SNTG1: variants seen among roughly 807,000 people sequenced by gnomAD.
SNTG1 encodes the protein syntrophin gamma 1.
Under a neutral mutation model 74.7 loss-of-function variants are expected in SNTG1, and 39 were observed. The ratio of observed to expected loss-of-function variants is 0.52; its 90% CI spans 0.40 to 0.68. The LOEUF (loss-of-function observed/expected upper bound fraction) is 0.68, where lower values mean the gene tolerates loss of function less well. Among genes scored for constraint, SNTG1 ranks in the 30% least tolerant of loss-of-function variants. The probability of loss-of-function intolerance (pLI) is 0.00; values close to 1 mark genes in which losing one functional copy is unlikely to be tolerated. For synonymous variants in SNTG1, 254 were observed against 217.1 expected, an observed-to-expected ratio of 1.17 and a Z score of -1.49; for missense variants, 685 against 609.5, an observed-to-expected ratio of 1.12 and a Z score of -1.30.
intron 2 of SNTG1, among the ~76,000 whole-genome samples, chr8:50,335,768 T>C (rs2091118867): frequency 6.6e-6 from 1 of 152,192 alleles, no homozygotes; most frequent in Non-Finnish European, 1.5e-5. Flanking sequence ...TTCTGACCTC[T>C]AATGCCAGCT....
intron 1 of SNTG1, among the ~76,000 whole-genome samples, chr8:50,135,875 G>A (rs564976189): frequency 6.6e-6 from 1 of 152,234 alleles, no homozygotes; most frequent in Admixed American, 6.5e-5. Flanking sequence ...GTAGCTGATA[G>A]ATAGTTTTTT....
intron 1 of SNTG1, among the ~76,000 whole-genome samples, chr8:50,084,412 G>A (rs1025809713): frequency 2.0e-5 from 3 of 151,940 alleles, no homozygotes; most frequent in African/African-American, 7.3e-5. Flanking sequence ...GTGAGCCTAG[G>A]TCACACCACT....
Position 50,676,272 on chromosome 8 carries a change from T to C in SNTG1, c.1038+17609T>C, listed in dbSNP as rs940946692. 2.0e-5 allele frequency among the ~76,000 whole-genome samples: 3 copies of C among 151,518 alleles called. No homozygotes were observed. In the South Asian group the frequency reaches 6.2e-4, roughly 31 times the overall value. ...CCCTGTCTCCTTCAGGTACTCCAGGTTTGGACTTTTTATGAAGTCCCATAT... is the reference window on the plus strand; with the variant it reads ...CCCTGTCTCCTTCAGGTACTCCAGGCTTGGACTTTTTATGAAGTCCCATAT... On this transcript the variant is annotated intron_variant, in intron 15 of 18. Transcript: ENST00000642720.
At chr8:50,781,782 G>A (rs1275862500) in intron 18 of SNTG1, among the ~76,000 whole-genome samples, 1 of 152,186 alleles carries the variant, frequency 6.6e-6, no homozygotes, top group Non-Finnish European at 1.5e-5. Flanking sequence ...GTTCGTTGAT[G>A]CAGTTTCTTC....
intron 2 of SNTG1, among the ~76,000 whole-genome samples, chr8:50,201,369 A>C (rs1433290076): frequency 6.6e-6 from 1 of 152,238 alleles, no homozygotes; most frequent in Non-Finnish European, 1.5e-5. Context: ...AATTGAAAAG[A>C]TAACACAAAG....
intron 1 of SNTG1, among the ~76,000 whole-genome samples, chr8:49,973,756 G>A (rs918434210): frequency 5.9e-5 from 9 of 152,090 alleles, no homozygotes; most frequent in African/African-American, 1.9e-4. Context: ...CAGATACAGA[G>A]GTCAAGAAAG....
At chr8:50,372,551 A>G (rs1363866561) in intron 2 of SNTG1, among the ~76,000 whole-genome samples, 1 of 152,006 alleles carries the variant, frequency 6.6e-6, no homozygotes, top group African/African-American at 2.4e-5. Flanking sequence ...ATTACTTCCT[A>G]TTATGTATAA....
At chr8:50,622,036 G>C (rs765775736) in intron 13 of SNTG1, among the ~76,000 whole-genome samples, 3 of 152,104 alleles carry the variant, frequency 2.0e-5, no homozygotes, top group Non-Finnish European at 4.4e-5. Context: ...TGCCAGCAGT[G>C]CTCTTCCACC....
chr8:50,508,859 C>G (rs187871575), intron 9 of SNTG1, among the ~76,000 whole-genome samples: 2 of 151,928 alleles, frequency 1.3e-5, no homozygotes, highest in African/African-American at 4.8e-5. Context: ...ATTTTCTCCC[C>G]TTCTGTAGGC....
rs1204683583 is a variant in SNTG1, at chr8:50,529,557, CACTT to C, written c.467-616_467-613del. 9.2e-5 allele frequency among the ~76,000 whole-genome samples: 14 copies of C among 152,060 alleles called. No individual in the cohort carries two copies. The East Asian group carries it at 2.5e-3, about 27-fold the overall frequency. On this transcript the variant is annotated intron_variant, in intron 9 of 18. Coordinates refer to ENST00000642720, the MANE Select transcript of SNTG1 (RefSeq NM_018967.5). ...AAGTCAGGAACTATTGTGACTCTAA[CACTT>C]ACTAAACTGGGAAATCTTAGAAAAT...
At chr8:50,792,536 T>A in intron 18 of SNTG1, 135 bp from the exon 19 acceptor site, 1 of 922,230 alleles carries the variant, frequency 1.1e-6, no homozygotes, top group Non-Finnish European at 1.6e-6. Context: ...ATGTCTACAT[T>A]TGAAATTAGT....
At chr8:50,443,989 T>A (rs1271768829) in intron 5 of SNTG1, among the ~76,000 whole-genome samples, 3 of 151,234 alleles carry the variant, frequency 2.0e-5, no homozygotes, top group African/African-American at 4.9e-5. Context: ...AAAAAAAAAA[T>A]TATCTGGGCA....
chr8:50,255,975 A>G (rs1194970137), intron 2 of SNTG1, among the ~76,000 whole-genome samples: 4 of 152,152 alleles, frequency 2.6e-5, no homozygotes, highest in Non-Finnish European at 4.4e-5. Context: ...GTGTCTGTAA[A>G]CAGTGTTATG....
At chr8:50,590,986 C>A in intron 13 of SNTG1, 69 bp downstream of exon 13, 1 of 1,098,126 alleles carries the variant, frequency 9.1e-7, no homozygotes, top group Non-Finnish European at 1.3e-6. Context: ...TAGAAGATAA[C>A]GTTACCTGAT....
At chr8:50,588,922 A>G (rs957476443) in intron 12 of SNTG1, among the ~76,000 whole-genome samples, 1 of 152,094 alleles carries the variant, frequency 6.6e-6, no homozygotes, top group Non-Finnish European at 1.5e-5. Flanking sequence ...TTGCAAACAT[A>G]GTTTTTACAT....
intron 2 of SNTG1, among the ~76,000 whole-genome samples, chr8:50,317,137 A>G (rs1171862274): frequency 6.6e-6 from 1 of 152,166 alleles, no homozygotes; most frequent in Non-Finnish European, 1.5e-5. Flanking sequence ...TATTTCCTTT[A>G]AGAGAAATTT....
At chr8:49,913,501 A>G (rs1022151906) in intron 1 of SNTG1, among the ~76,000 whole-genome samples, 1 of 152,124 alleles carries the variant, frequency 6.6e-6, no homozygotes, top group Non-Finnish European at 1.5e-5. Context: ...TCTGAGGAAA[A>G]ATCATTCTTA....
chr8:50,643,150 G>A (rs866779147), intron 13 of SNTG1, among the ~76,000 whole-genome samples: 2 of 152,192 alleles, frequency 1.3e-5, no homozygotes, highest in Admixed American at 6.5e-5. Context: ...CTCAGATAAA[G>A]AATGCATTTT....
At chr8:50,044,705 A>G (rs983093329) in intron 1 of SNTG1, among the ~76,000 whole-genome samples, 5 of 152,214 alleles carry the variant, frequency 3.3e-5, no homozygotes, top group African/African-American at 1.2e-4. Context: ...TTGTTTTCTC[A>G]TAAAATAACA....
Sources: allele counts gnomAD v4.1 joint callset (sites outside exome capture counted in the v4.1 genomes callset), GRCh38; gene constraint gnomAD v4.1.1; transcripts MANE v1.5; gene names NCBI Gene and HGNC (gene_info 2026-07-23, HGNC 2026-07-21).